Variants in COL21A1 observed in about 807,000 individuals in gnomAD.
The protein encoded by COL21A1 is collagen type XXI alpha 1 chain.
In COL21A1, 149 loss-of-function variants were observed where a neutral mutation model predicts 137.9. The observed-to-expected ratio is 1.08, with a 90% CI of 0.95 to 1.24. The LOEUF is 1.24. Ranked by LOEUF, COL21A1 falls within the 50% of genes most tolerant of loss-of-function variation. The pLI is 0.00. For synonymous variants in COL21A1, 456 were observed against 391.5 expected, an observed-to-expected ratio of 1.16 and a Z score of -1.95; for missense variants, 1,167 against 1,158.4, an observed-to-expected ratio of 1.01 and a Z score of -0.11.
chr6:56,382,386 G>A (rs530099178), intron 1 of COL21A1, among the ~76,000 whole-genome samples: 6 of 152,290 alleles, frequency 3.9e-5, no homozygotes, highest in African/African-American at 7.2e-5. Flanking sequence ...ATGAAGAAAC[G>A]AATATCACTG....
At chr6:56,223,738 G>A (rs1015589694) in intron 1 of COL21A1, among the ~76,000 whole-genome samples, 1 of 152,098 alleles carries the variant, frequency 6.6e-6, no homozygotes, top group African/African-American at 2.4e-5. Context: ...GCTCAAGTGT[G>A]TAACATCATT....
At chr6:56,278,526 C>T (rs906194280) in intron 1 of COL21A1, among the ~76,000 whole-genome samples, 4 of 152,192 alleles carry the variant, frequency 2.6e-5, no homozygotes, top group Non-Finnish European at 5.9e-5. Context: ...TCATATGGCC[C>T]AAGACACTTC....
At position 56,324,765 on chromosome 6, in the gene COL21A1, T is replaced by C. The variant is rs190210030; in HGVS notation, c.-39+69206A>G. ...AACATACTACCCAAATCATTGAAAC[T>C]TGGCACATTGATAACCTGAAGGTAT... On this transcript the variant is annotated intron_variant, in intron 1 of 28. Coordinates refer to the COL21A1 transcript ENST00000370819. Among the ~76,000 whole-genome samples the C allele has an allele frequency of 7.2e-5, 11 of 152,110 alleles. No individual in the cohort carries two copies. In the East Asian group the frequency reaches 2.1e-3, roughly 29 times the overall value.
intron 1 of COL21A1, among the ~76,000 whole-genome samples, chr6:56,343,789 A>G (rs1253615038): frequency 6.6e-6 from 1 of 152,164 alleles, no homozygotes; most frequent in African/African-American, 2.4e-5. Context: ...AAAAAAATTT[A>G]AAAATTAGCC....
At chr6:56,119,028 G>T (rs1241520577) in intron 16 of COL21A1, among the ~76,000 whole-genome samples, 1 of 152,020 alleles carries the variant, frequency 6.6e-6, no homozygotes, top group African/African-American at 2.4e-5. Context: ...AACATGACAG[G>T]GTGTCCACTG....
chr6:56,237,668 A>G (rs1435644100), intron 1 of COL21A1, among the ~76,000 whole-genome samples: 1 of 152,124 alleles, frequency 6.6e-6, no homozygotes, highest in Non-Finnish European at 1.5e-5. Context: ...ATAATGTCAT[A>G]AGTCTGGCCA....
At chr6:56,150,283 T>C (rs2152248567) in intron 10 of COL21A1, among the ~76,000 whole-genome samples, 1 of 150,872 alleles carries the variant, frequency 6.6e-6, no homozygotes, top group Middle Eastern at 3.4e-3. Flanking sequence ...CTTTGGGAGG[T>C]CGAGGCGGGC....
intron 1 of COL21A1, among the ~76,000 whole-genome samples, chr6:56,259,768 A>G (rs1763208977): frequency 6.6e-6 from 1 of 152,226 alleles, no homozygotes; most frequent in African/African-American, 2.4e-5. Flanking sequence ...CCCAAAAGCA[A>G]TATGCTACAG....
intron 16 of COL21A1, among the ~76,000 whole-genome samples, chr6:56,106,159 A>T (rs1770865116): frequency 6.6e-6 from 1 of 152,216 alleles, no homozygotes; most frequent in South Asian, 2.1e-4. Flanking sequence ...GCTATATAAA[A>T]TATTCTCCAA....
At chr6:56,266,069 T>C (rs1427667526) in intron 1 of COL21A1, among the ~76,000 whole-genome samples, 1 of 152,236 alleles carries the variant, frequency 6.6e-6, no homozygotes, top group Admixed American at 6.5e-5. Context: ...CAGTAGCCTT[T>C]ATAGGCCTGT....
At chr6:56,143,359 C>G (rs1208515929) in intron 10 of COL21A1, among the ~76,000 whole-genome samples, 1 of 151,828 alleles carries the variant, frequency 6.6e-6, no homozygotes, top group Non-Finnish European at 1.5e-5. Context: ...CACCACCACA[C>G]CCAGCTAATT....
chr6:56,329,672 T>A (rs527622696), intron 1 of COL21A1, among the ~76,000 whole-genome samples: 4 of 152,130 alleles, frequency 2.6e-5, no homozygotes, highest in African/African-American at 9.6e-5. Flanking sequence ...GTCACAGGTT[T>A]AAATAAGGCT....
intron 1 of COL21A1, among the ~76,000 whole-genome samples, chr6:56,352,832 G>A (rs572337051): frequency 1.3e-5 from 2 of 152,282 alleles, no homozygotes; most frequent in African/African-American, 4.8e-5. Context: ...CTGAGGTCAG[G>A]AGTTTGAGAT....
intron 17 of COL21A1, among the ~76,000 whole-genome samples, chr6:56,100,779 C>G (rs1770389344): frequency 1.3e-5 from 2 of 152,086 alleles, no homozygotes; most frequent in African/African-American, 4.8e-5. Context: ...TTGGTGATAC[C>G]TCTCTCCCTC....
intron 1 of COL21A1, among the ~76,000 whole-genome samples, chr6:56,278,418 G>A (rs1279590495): frequency 3.3e-5 from 5 of 152,192 alleles, no homozygotes; most frequent in African/African-American, 9.6e-5. Context: ...TTGTATAAGC[G>A]CTTCATTCTT....
chr6:56,227,706 A>C (rs912788440), intron 1 of COL21A1, among the ~76,000 whole-genome samples: 4 of 152,088 alleles, frequency 2.6e-5, no homozygotes, highest in African/African-American at 9.7e-5. Context: ...CAATGTACAA[A>C]GCACTGAGGA....
Position 56,219,244 on chromosome 6 carries a change from A to ACG in COL21A1, c.-39+28141_-39+28142dup, listed in dbSNP as rs1780680323. Among the ~76,000 whole-genome samples, 3 of 126,260 alleles carry ACG rather than the reference A, an allele frequency of 2.4e-5. No homozygotes were observed. In the South Asian group the frequency reaches 8.0e-4, roughly 34 times the overall value. The allele number at this position is 126,260 out of a possible 152,430, so 82.8% of individuals were successfully genotyped here. A position where few individuals can be genotyped will look rare whatever the true frequency, so the allele number is the denominator to read the frequency against. ...AAAAAAAAAAAAAAAAAAAAAGGTC[A>ACG]CGGTCACTGTTTGGTGGTCTGCTGT... On this transcript the variant is annotated intron_variant, in intron 1 of 29. Coordinates refer to ENST00000244728, the MANE Select transcript of COL21A1 (RefSeq NM_030820.4).
At chr6:56,302,541 C>A (rs1296653617) in intron 1 of COL21A1, among the ~76,000 whole-genome samples, 1 of 151,966 alleles carries the variant, frequency 6.6e-6, no homozygotes, top group East Asian at 1.9e-4. Flanking sequence ...TGAGAAGTGT[C>A]TGTTCATATC....
chr6:56,157,536 C>G (rs977354705), intron 9 of COL21A1, among the ~76,000 whole-genome samples: 1 of 152,074 alleles, frequency 6.6e-6, no homozygotes, highest in Non-Finnish European at 1.5e-5. Context: ...GTCTTGAACT[C>G]CTGACTTCAA....
Sources: gnomAD v4.1 joint callset for allele counts (sites outside exome capture counted in the v4.1 genomes callset) on GRCh38, gnomAD v4.1.1 for gene constraint, MANE v1.5 for transcripts, NCBI Gene and HGNC (gene_info 2026-07-23, HGNC 2026-07-21) for gene names.